CTNNAL1: variants seen among roughly 807,000 people sequenced by gnomAD.
CTNNAL1 encodes the protein alpha-catulin.
Under a neutral mutation model 93.6 loss-of-function variants are expected in CTNNAL1, and 69 were observed. The observed-to-expected ratio is 0.74, with a 90% CI of 0.61 to 0.90. The LOEUF (loss-of-function observed/expected upper bound fraction) is 0.90. Among genes scored for constraint, CTNNAL1 ranks in the 40% least tolerant of loss-of-function variants. The probability of loss-of-function intolerance (pLI) is 0.00; values close to 1 mark genes in which losing one functional copy is unlikely to be tolerated. For synonymous variants in CTNNAL1, 286 were observed against 305.4 expected, an observed-to-expected ratio of 0.94 and a Z score of 0.66; for missense variants, 836 against 862.0, an observed-to-expected ratio of 0.97 and a Z score of 0.38.
chr9:109,013,251 C>T, intron 1 of CTNNAL1, 51 bp downstream of exon 1: 1 of 1,429,308 alleles, frequency 7.0e-7, no homozygotes, highest in Non-Finnish European at 9.2e-7. Flanking sequence ...CGGCCGCCAT[C>T]GCGGGCCGCG....
intron 3 of CTNNAL1, chr9:108,992,080 G>A: frequency 1.3e-6 from 1 of 764,606 alleles, no homozygotes. Flanking sequence ...GATTTGGGAG[G>A]GAAAAAAAGT....
chr9:108,942,830 T>C lies in CTNNAL1; in HGVS notation c.2144A>G (p.Gln715Arg). 6.2e-7 allele frequency: 1 copy of C among 1,613,762 alleles called. No individual in the cohort carries two copies. Reference protein sequence around the residue: ...SLCYKLLKKLQMENNGWVSVT... With the variant: ...SLCYKLLKKLRMENNGWVSVT... ...TGAGACCCATCCGTTATTTTCCATC[T>C]GAAGCTGGAAAGAGTTAAGACAATT... The change falls in exon 19 of 19, where the codon CAG becomes CGG. Residue 715 changes from glutamine to arginine, a missense_variant. Transcript: ENST00000325551.
chr9:109,005,081 ATT>A (rs890467078), intron 1 of CTNNAL1, among the ~76,000 whole-genome samples: 2 of 151,680 alleles, frequency 1.3e-5, no homozygotes, highest in East Asian at 3.9e-4. Context: ...AATCTTTCCT[ATT>A]TTTTTTAATT....
At chr9:108,947,835 A>G (rs940842342) in intron 15 of CTNNAL1, among the ~76,000 whole-genome samples, 7 of 152,246 alleles carry the variant, frequency 4.6e-5, no homozygotes, top group African/African-American at 9.6e-5. Context: ...ATCCAATTCA[A>G]TAATGAAGAG....
chr9:109,004,473 C>G (rs115462465), intron 1 of CTNNAL1, among the ~76,000 whole-genome samples: 2,766 of 152,222 alleles, frequency 0.018, 84 homozygotes, highest in African/African-American at 0.064. Context: ...GCCATATTGC[C>G]TTCTCTGACT....
intron 8 of CTNNAL1, among the ~76,000 whole-genome samples, chr9:108,973,695 T>A (rs533635241): frequency 4.0e-4 from 60 of 150,574 alleles, no homozygotes; most frequent in African/African-American, 1.3e-3. Context: ...TTTTTTTTTT[T>A]AATGATGTGA....
chr9:108,972,864 G>GGGGGGGTCCCCCCCC, intron 8 of CTNNAL1, 31 bp from the exon 9 acceptor site: 1 of 142,590 alleles, frequency 7.0e-6, no homozygotes, highest in Non-Finnish European at 1.0e-5. Context: ...GGGGGGGTGG[G>GGGGGGGTCCCCCCCC]AGGGTGGAGA....
intron 8 of CTNNAL1, 31 bp from the exon 9 acceptor site, chr9:108,972,864 G>GGGGGCCCCCCCCCCCCC: frequency 7.0e-5 from 10 of 142,478 alleles, no homozygotes; most frequent in East Asian, 2.2e-4. Context: ...GGGGGGGTGG[G>GGGGGCCCCCCCCCCCCC]AGGGTGGAGA....
chr9:108,943,687 C>T lies in CTNNAL1; in HGVS notation c.2055+16G>A. The T allele has an allele frequency of 6.3e-7, 1 of 1,594,534 alleles. No homozygotes were observed. Among genetic ancestry groups the T allele is most frequent in the East Asian group, 2.2e-5 (1 of 44,708 alleles). On this transcript the variant is annotated intron_variant, in intron 17 of 18. Coordinates refer to ENST00000325551, the MANE Select transcript of CTNNAL1 (RefSeq NM_003798.4). ...TAAAGATAGATGTGTGAAAGTTTTT[C>T]ATATGTCTCTTTTACCTTTAGAAAT...
At chr9:109,008,673 G>A (rs1026301601) in intron 1 of CTNNAL1, among the ~76,000 whole-genome samples, 3 of 152,102 alleles carry the variant, frequency 2.0e-5, no homozygotes, top group Non-Finnish European at 4.4e-5. Context: ...TAATGAAGTT[G>A]AATATCTTTT....
In CTNNAL1 at chr9:108,990,858, T is replaced by C. The variant is rs755740508; in HGVS notation, c.520-13A>G. ...TAGTTGCGAGAACCTGCAAAACAGA[T>C]AATAATTCATTATTTGGTGAGAGCT... is the stretch of plus-strand genomic sequence containing the variant. On this transcript the variant is annotated splice_polypyrimidine_tract_variant and intron_variant, in intron 3 of 18. Transcript: ENST00000325551. 1 of 1,607,694 alleles carries C rather than the reference T, an allele frequency of 6.2e-7. No individual in the cohort carries two copies. The highest frequency in any genetic ancestry group is 1.7e-5 in the Admixed American group (1 of 58,650).
intron 6 of CTNNAL1, among the ~76,000 whole-genome samples, chr9:108,982,013 AC>A (rs1230615191): frequency 6.6e-6 from 1 of 152,196 alleles, no homozygotes; most frequent in Non-Finnish European, 1.5e-5. Context: ...AGAGGTGGGA[AC>A]CTTTAGCATT....
intron 10 of CTNNAL1, 76 bp downstream of exon 10, chr9:108,970,326 T>C: frequency 7.6e-7 from 1 of 1,314,958 alleles, no homozygotes; most frequent in Non-Finnish European, 1.0e-6. Flanking sequence ...AAACCATTTA[T>C]ACCTTCCATC....
Position 108,990,856 on chromosome 9 carries a change from G to A in CTNNAL1, c.520-11C>T. 1.2e-6 allele frequency: 2 copies of A among 1,608,278 alleles called. No homozygotes were observed. The highest frequency in any genetic ancestry group is 1.7e-6 in the Non-Finnish European group (2 of 1,177,902). On this transcript the variant is annotated splice_polypyrimidine_tract_variant and intron_variant, in intron 3 of 18. Coordinates refer to ENST00000325551, the MANE Select transcript of CTNNAL1 (RefSeq NM_003798.4). ...CATAGTTGCGAGAACCTGCAAAACA[G>A]ATAATAATTCATTATTTGGTGAGAG...
At chr9:108,967,214 A>G (rs1454541029) in intron 10 of CTNNAL1, among the ~76,000 whole-genome samples, 2 of 152,218 alleles carry the variant, frequency 1.3e-5, no homozygotes, top group Non-Finnish European at 2.9e-5. Flanking sequence ...AAAGCCCTCT[A>G]TTATGAAGCT....
intron 14 of CTNNAL1, among the ~76,000 whole-genome samples, chr9:108,951,064 C>A (rs1830548972): frequency 6.6e-6 from 1 of 151,812 alleles, no homozygotes; most frequent in African/African-American, 2.4e-5. Context: ...GGCTGGAGTG[C>A]AAGTGGCGCG....
chr9:108,954,968 A>AT (rs11363061), intron 12 of CTNNAL1, among the ~76,000 whole-genome samples: 20,301 of 145,458 alleles, frequency 0.14, 1,780 homozygotes, highest in Middle Eastern at 0.21. Flanking sequence ...CAGTAATTTT[A>AT]TTTTTTTTTT....
rs752615814 is a variant in CTNNAL1, at chr9:108,979,462, C to T, written c.920G>A (p.Arg307Gln). 27 of 1,613,832 alleles carry T rather than the reference C, an allele frequency of 1.7e-5. No homozygotes were observed. Among genetic ancestry groups the T allele is most frequent in the Admixed American group, 6.7e-5 (4 of 59,990 alleles). Residue 307 changes from arginine to glutamine, a missense_variant, in exon 7 of 19, where the codon CGG (arginine) becomes CAG (glutamine). Coordinates refer to ENST00000325551, the MANE Select transcript of CTNNAL1 (RefSeq NM_003798.4). ...TTTGGACTGAAAATAAAGATTCTCC[C>T]GAAGAGCTTCAATATTCATCTGAGA... ...KEFKMNIEAL[R>Q]ENLYFQSKEN...
chr9:108,988,956 A>G (rs1415828733), intron 4 of CTNNAL1, among the ~76,000 whole-genome samples: 3 of 152,222 alleles, frequency 2.0e-5, no homozygotes, highest in Non-Finnish European at 4.4e-5. Context: ...GCATATTCCA[A>G]AAAAGTGACC....
Sources: gnomAD v4.1 joint callset for allele counts (sites outside exome capture counted in the v4.1 genomes callset) on GRCh38, gnomAD v4.1.1 for gene constraint, MANE v1.5 for transcripts, NCBI Gene and HGNC (gene_info 2026-07-23, HGNC 2026-07-21) for gene names.